The following CNTNAP5 variants were observed in gnomAD, a reference collection of about 807,000 sequenced individuals.
The protein encoded by CNTNAP5 is contactin-associated protein-like 5.
Under a neutral mutation model 150.2 loss-of-function variants are expected in CNTNAP5, and 72 were observed. The observed-to-expected ratio is 0.48, with a 90% CI of 0.40 to 0.58. The LOEUF is 0.58. Ranked by LOEUF, CNTNAP5 falls within the 20% of genes least tolerant of loss-of-function variation. The probability of loss-of-function intolerance (pLI) is 0.00; values close to 1 mark genes in which losing one functional copy is unlikely to be tolerated. For synonymous variants in CNTNAP5, 672 were observed against 619.8 expected (o/e 1.08, Z -1.25); for missense variants, 1,636 against 1,626.2 (o/e 1.01, Z -0.10).
In CNTNAP5 at chr2:124,465,128, A is replaced by G. The variant is rs183530219; in HGVS notation, c.919-9611A>G. On this transcript the variant is annotated intron_variant, in intron 6 of 23. Transcript: ENST00000682447. ...TAACATCAAAGATTGAAAAAGAGAC[A>G]AGCAAATACCAAACCAAAAAAAATA... is the stretch of plus-strand genomic sequence containing the variant. 2.8e-3 allele frequency among the ~76,000 whole-genome samples: 419 copies of G among 152,234 alleles called. 2 individuals carry two copies. The highest frequency in any genetic ancestry group is 4.1e-4 in the Non-Finnish European group (28 of 68,016).
chr2:124,676,299 T>A (rs66814044), intron 13 of CNTNAP5, among the ~76,000 whole-genome samples: 4 of 152,066 alleles, frequency 2.6e-5, no homozygotes, highest in Non-Finnish European at 4.4e-5. Context: ...GAAACTAAGG[T>A]TTTTTTGGTT....
At chr2:124,109,871 T>C (rs79061962) in intron 1 of CNTNAP5, among the ~76,000 whole-genome samples, 14,274 of 152,304 alleles carry the variant, frequency 0.094, 786 homozygotes, top group Non-Finnish European at 0.13. Context: ...ACAAAGGATC[T>C]GCATTTTTAT....
At chr2:124,734,803 A>G (rs910713975) in intron 13 of CNTNAP5, among the ~76,000 whole-genome samples, 2 of 152,164 alleles carry the variant, frequency 1.3e-5, no homozygotes. Context: ...TAAGTAGCTC[A>G]TTAGTGTTTA....
Position 124,417,085 on chromosome 2 carries a change from A to G in CNTNAP5, c.382-358A>G, listed in dbSNP as rs141288346. On this transcript the variant is annotated intron_variant, in intron 3 of 23. Transcript: ENST00000682447. Reference sequence around the variant, plus strand: ...CTCGGGTAGCTGGGATTACAGGCACACACCACCATGCCCAGCTAATTTTTT... The same window carrying G: ...CTCGGGTAGCTGGGATTACAGGCACGCACCACCATGCCCAGCTAATTTTTT... 2.5e-3 allele frequency among the ~76,000 whole-genome samples: 377 copies of G among 151,562 alleles called. 8 individuals are homozygous for G. In the South Asian group the frequency reaches 0.05, roughly 20 times the overall value.
intron 1 of CNTNAP5, among the ~76,000 whole-genome samples, chr2:124,129,246 GA>G (rs1219861622): frequency 4.0e-5 from 6 of 151,862 alleles, no homozygotes; most frequent in African/African-American, 1.5e-4. Context: ...ATATTACTTA[GA>G]AAAAAAAGTA....
intron 1 of CNTNAP5, among the ~76,000 whole-genome samples, chr2:124,061,862 A>T (rs553170750): frequency 1.3e-5 from 2 of 152,212 alleles, no homozygotes; most frequent in Admixed American, 1.3e-4. Flanking sequence ...ATTGTCCTGG[A>T]TGGAGGGAAT....
At chr2:124,095,245 C>T (rs57048492) in intron 1 of CNTNAP5, among the ~76,000 whole-genome samples, 42,679 of 151,924 alleles carry the variant, frequency 0.28, 6,043 homozygotes, top group South Asian at 0.32. Context: ...AACACATGAA[C>T]AGAAAGCCAA....
At chr2:124,522,723 A>G (rs920801990) in intron 8 of CNTNAP5, among the ~76,000 whole-genome samples, 1 of 152,152 alleles carries the variant, frequency 6.6e-6, no homozygotes, top group Non-Finnish European at 1.5e-5. Flanking sequence ...GGGTGATTGG[A>G]TCCTCTTTCT....
chr2:124,507,111 G>A (rs1314041453), intron 8 of CNTNAP5, among the ~76,000 whole-genome samples: 1 of 152,112 alleles, frequency 6.6e-6, no homozygotes, highest in Non-Finnish European at 1.5e-5. Flanking sequence ...GATGGTTGAT[G>A]CTTTTATATC....
chr2:124,258,670 T>C (rs1000323132), intron 3 of CNTNAP5, among the ~76,000 whole-genome samples: 5 of 152,114 alleles, frequency 3.3e-5, no homozygotes, highest in African/African-American at 1.2e-4. Context: ...CATAGGCAGT[T>C]GTGACTGTGC....
At chr2:124,863,342 G>A (rs1677563871) in intron 19 of CNTNAP5, among the ~76,000 whole-genome samples, 1 of 152,136 alleles carries the variant, frequency 6.6e-6, no homozygotes, top group African/African-American at 2.4e-5. Flanking sequence ...GGCAGGAGGG[G>A]TACCTTGCCC....
intron 13 of CNTNAP5, among the ~76,000 whole-genome samples, chr2:124,667,338 A>G (rs1440998238): frequency 1.3e-5 from 2 of 152,230 alleles, no homozygotes; most frequent in Non-Finnish European, 2.9e-5. Flanking sequence ...ACAGAATTCT[A>G]CAGCCTTGAT....
chr2:124,875,598 T>C (rs575343483), intron 21 of CNTNAP5, among the ~76,000 whole-genome samples: 1 of 152,208 alleles, frequency 6.6e-6, no homozygotes, highest in South Asian at 2.1e-4. Flanking sequence ...CTTGAAGCTT[T>C]ATATGCAAAT....
At position 124,222,653 on chromosome 2, in the gene CNTNAP5, A is replaced by AT. The variant is rs576258801; in HGVS notation, c.187+844_187+845insT. Among the ~76,000 whole-genome samples the AT allele has an allele frequency of 3.8e-3, 574 of 151,796 alleles. 4 individuals are homozygous for AT. The highest frequency in any genetic ancestry group is 0.013 in the African/African-American group (554 of 41,454). On this transcript the variant is annotated intron_variant, in intron 2 of 23. Transcript: ENST00000682447. Reference sequence around the variant, plus strand: ...GAGTATATTTTCCATTGATATCTTAAGTAGGTTACATTAGCAGGTTTTTGC... The same window carrying AT: ...GAGTATATTTTCCATTGATATCTTAATGTAGGTTACATTAGCAGGTTTTTGC...
chr2:124,755,639 C>G (rs75389054), intron 14 of CNTNAP5, among the ~76,000 whole-genome samples: 1,727 of 152,228 alleles, frequency 0.011, 31 homozygotes, highest in African/African-American at 0.04. Context: ...TGGCAATGCT[C>G]TCTGTGAACT....
At chr2:124,619,908 CATAT>C (rs10540154) in intron 12 of CNTNAP5, among the ~76,000 whole-genome samples, 3,007 of 115,390 alleles carry the variant, frequency 0.026, 80 homozygotes, top group Middle Eastern at 0.034. Flanking sequence ...CTGTCTCATT[CATAT>C]ATATATATAT....
At chr2:124,500,263 G>T (rs1180888201) in intron 7 of CNTNAP5, among the ~76,000 whole-genome samples, 2 of 152,154 alleles carry the variant, frequency 1.3e-5, no homozygotes, top group Non-Finnish European at 2.9e-5. Context: ...ACCAAGGAAA[G>T]ACTGTAGTGG....
intron 10 of CNTNAP5, among the ~76,000 whole-genome samples, chr2:124,541,360 G>C (rs1271100445): frequency 6.6e-6 from 1 of 151,380 alleles, no homozygotes; most frequent in Non-Finnish European, 1.5e-5. Flanking sequence ...TAAAGGGTCA[G>C]GCTTCTAGTA....
At chr2:124,148,679 GAT>G (rs1404988431) in intron 1 of CNTNAP5, among the ~76,000 whole-genome samples, 1 of 149,938 alleles carries the variant, frequency 6.7e-6, no homozygotes. Flanking sequence ...TATTATATGA[GAT>G]ATATATATGC....
Sources: gnomAD v4.1 joint callset for allele counts (sites outside exome capture counted in the v4.1 genomes callset) on GRCh38, gnomAD v4.1.1 for gene constraint, MANE v1.5 for transcripts, NCBI Gene and HGNC (gene_info 2026-07-23, HGNC 2026-07-21) for gene names.